The following FMN1 variants were observed in gnomAD, a reference collection of about 807,000 sequenced individuals.
The protein encoded by FMN1 is formin 1, also known as formin-1.
A neutral mutation model predicts 132.4 loss-of-function variants in FMN1; 110 were observed. The observed-to-expected ratio is 0.83, with a 90% CI of 0.71 to 0.97. The LOEUF is 0.97. Among genes scored for constraint, FMN1 ranks in the 50% least tolerant of loss-of-function variants. FMN1 has a pLI of 0.00. For missense variants in FMN1, 1,792 were observed against 1,705.3 expected (o/e 1.05, Z -0.90); for synonymous variants, 722 against 651.7 (o/e 1.11, Z -1.64).
intron 17 of FMN1, among the ~76,000 whole-genome samples, chr15:32,848,751 G>A (rs2058922481): frequency 6.6e-6 from 1 of 152,064 alleles, no homozygotes; most frequent in African/African-American, 2.4e-5. Flanking sequence ...TATTTTAAGA[G>A]GTACTCACTG....
chr15:33,073,709 A>G (rs1273502803), intron 5 of FMN1, among the ~76,000 whole-genome samples: 1 of 151,428 alleles, frequency 6.6e-6, no homozygotes, highest in African/African-American at 2.4e-5. Flanking sequence ...GGACCTTAGA[A>G]ATAGTAGAAA....
At chr15:32,783,177 G>A (rs2056726062) in intron 19 of FMN1, among the ~76,000 whole-genome samples, 2 of 151,962 alleles carry the variant, frequency 1.3e-5, no homozygotes, top group South Asian at 2.1e-4. Context: ...AAGGTTATAT[G>A]GCAATCCTTA....
intron 4 of FMN1, among the ~76,000 whole-genome samples, chr15:33,146,257 CT>C (rs1964216299): frequency 6.6e-6 from 1 of 152,132 alleles, no homozygotes; most frequent in Admixed American, 6.5e-5. Flanking sequence ...TGTTGGGCTT[CT>C]GATGATAAAG....
intron 4 of FMN1, among the ~76,000 whole-genome samples, chr15:33,145,492 C>T (rs1964181187): frequency 6.6e-6 from 1 of 151,644 alleles, no homozygotes; most frequent in South Asian, 2.1e-4. Flanking sequence ...TTTCACACTG[C>T]TTTTTTTATG....
At chr15:33,069,993 C>G (rs111659832) in intron 5 of FMN1, among the ~76,000 whole-genome samples, 65 of 74,332 alleles carry the variant, frequency 8.7e-4, no homozygotes, top group African/African-American at 3.3e-3. Flanking sequence ...CAGTCTTTCT[C>G]TTTTTTTTTT....
intron 5 of FMN1, among the ~76,000 whole-genome samples, chr15:33,074,289 A>G (rs535292905): frequency 6.6e-6 from 1 of 152,356 alleles, no homozygotes; most frequent in East Asian, 1.9e-4. Flanking sequence ...AGGAATATAA[A>G]GCCAAACAAA....
intron 7 of FMN1, among the ~76,000 whole-genome samples, chr15:32,992,504 A>T (rs774716899): frequency 6.6e-6 from 1 of 152,200 alleles, no homozygotes; most frequent in Non-Finnish European, 1.5e-5. Flanking sequence ...AAAGATGCCC[A>T]ATTTATTCAT....
intron 5 of FMN1, among the ~76,000 whole-genome samples, chr15:33,082,155 C>A (rs1368445147): frequency 1.3e-5 from 2 of 150,970 alleles, no homozygotes; most frequent in Non-Finnish European, 2.9e-5. Context: ...CGCTCTGTCA[C>A]CTCTGCCTCC....
At chr15:32,839,486 C>T (rs927932447) in intron 17 of FMN1, among the ~76,000 whole-genome samples, 1 of 151,956 alleles carries the variant, frequency 6.6e-6, no homozygotes, top group African/African-American at 2.4e-5. Context: ...ACCTGAAGCC[C>T]CCGGATTCCA....
chr15:33,121,669 CA>C (rs1335756717), intron 4 of FMN1, among the ~76,000 whole-genome samples: 4 of 148,612 alleles, frequency 2.7e-5, no homozygotes, highest in African/African-American at 1.1e-4. Context: ...GCTGGGATTA[CA>C]GGTGTCAGCC....
chr15:32,862,581 ATC>A (rs1567288508), intron 16 of FMN1, among the ~76,000 whole-genome samples: 1 of 152,210 alleles, frequency 6.6e-6, no homozygotes, highest in Non-Finnish European at 1.5e-5. Context: ...GGTCAGAATT[ATC>A]TGTTTTTTGT....
At chr15:32,909,387 G>A (rs1046813427) in intron 11 of FMN1, among the ~76,000 whole-genome samples, 1 of 152,166 alleles carries the variant, frequency 6.6e-6, no homozygotes. Context: ...TGGTATTTGT[G>A]TACTTTCTGG....
chr15:32,803,950 T>C lies in FMN1; in HGVS notation c.3980+331A>G, dbSNP rs922475786. ...GTGAAGCTTATTGCTTATGGATGCA[T>C]AGTCTTAACACATGGGGCCGAAAGT... On this transcript the variant is annotated intron_variant, in intron 18 of 20. Transcript: ENST00000616417. 5.3e-5 allele frequency among the ~76,000 whole-genome samples: 8 copies of C among 152,164 alleles called. No homozygotes were observed. The South Asian group carries it at 1.7e-3, about 32-fold the overall frequency.
At chr15:32,803,476 A>G (rs2057549724) in intron 18 of FMN1, among the ~76,000 whole-genome samples, 1 of 152,130 alleles carries the variant, frequency 6.6e-6, no homozygotes, top group South Asian at 2.1e-4. Context: ...ATATCTATTG[A>G]GAGAGTGAGC....
chr15:33,118,505 A>G (rs2040014014), intron 4 of FMN1, among the ~76,000 whole-genome samples: 2 of 152,216 alleles, frequency 1.3e-5, no homozygotes, highest in Non-Finnish European at 2.9e-5. Flanking sequence ...TTACCTTTAC[A>G]TAATTTATTT....
chr15:33,066,637 C>G, intron 5 of FMN1: 1 of 1,613,866 alleles, frequency 6.2e-7, no homozygotes, highest in Non-Finnish European at 8.5e-7. Context: ...CAGCTGTGGT[C>G]CCCTTTCTGG....
chr15:32,841,651 A>T (rs1049517341), intron 17 of FMN1, among the ~76,000 whole-genome samples: 8 of 152,150 alleles, frequency 5.3e-5, no homozygotes, highest in Non-Finnish European at 1.2e-4. Flanking sequence ...GTAACATGTG[A>T]ATCGCTTTGT....
At chr15:32,925,892 C>A (rs2060947056) in intron 10 of FMN1, among the ~76,000 whole-genome samples, 1 of 152,086 alleles carries the variant, frequency 6.6e-6, no homozygotes, top group African/African-American at 2.4e-5. Context: ...AAAACCCCAC[C>A]TGTAAAACAA....
At chr15:32,918,387 C>T (rs1003075354) in intron 10 of FMN1, among the ~76,000 whole-genome samples, 1 of 152,066 alleles carries the variant, frequency 6.6e-6, no homozygotes, top group Admixed American at 6.6e-5. Context: ...TCATGTTAAC[C>T]TGGGCTCTGA....
Sources: gnomAD v4.1 joint callset for allele counts (sites outside exome capture counted in the v4.1 genomes callset) on GRCh38, gnomAD v4.1.1 for gene constraint, MANE v1.5 for transcripts, NCBI Gene and HGNC (gene_info 2026-07-23, HGNC 2026-07-21) for gene names.